The following CFAP418 variants were observed in gnomAD, a reference collection of about 807,000 sequenced individuals.
CFAP418 encodes cilia and flagella associated protein 418.
In CFAP418, 27 loss-of-function variants were observed where a neutral mutation model predicts 24.7. That is an observed-to-expected ratio of 1.09 (90% confidence interval 0.81 to 1.51). The LOEUF is 1.51. CFAP418 is among the 40% of genes most tolerant of loss of function. The pLI is 0.00. For synonymous variants in CFAP418, 74 were observed against 87.3 expected (o/e 0.85, Z 0.85); for missense variants, 257 against 255.2 (o/e 1.01, Z -0.05).
chr8:95,252,926 T>G (rs558828951), intron 4 of CFAP418, among the ~76,000 whole-genome samples: 18 of 152,178 alleles, frequency 1.2e-4, no homozygotes, highest in Non-Finnish European at 1.9e-4. Flanking sequence ...TGAAGCAAGG[T>G]GCACACTAAC....
chr8:95,263,724 T>C lies in CFAP418; in HGVS notation c.206A>G (p.Glu69Gly), dbSNP rs1396524227. The C allele has an allele frequency of 6.2e-7, 1 of 1,609,262 alleles. No homozygotes were observed. Among genetic ancestry groups the C allele is most frequent in the South Asian group, 1.1e-5 (1 of 90,928 alleles). ...KEDDLDSLIN[E>G]ILEEPNLDKK... ...GTCCAAGTTGGGCTCTTCAAGTATT[T>C]CATTAATAAGACTGTCAAGATCATC... is the stretch of plus-strand genomic sequence containing the variant. The change falls in exon 2 of 6, where the codon GAA (glutamate) becomes GGA (glycine). Residue 69 changes from glutamate to glycine, a missense_variant. By Grantham distance (98) the Glu-to-Gly change is moderately conservative. Transcript: ENST00000286688.
At chr8:95,263,913 G>T in intron 1 of CFAP418, 139 bp from the exon 2 acceptor site, 3 of 567,576 alleles carry the variant, frequency 5.3e-6, no homozygotes, top group Admixed American at 3.0e-5. Context: ...TTTTCACTGT[G>T]GATATAGTCT....
At position 95,263,692 on chromosome 8, in the gene CFAP418, GT is replaced by G. The variant is rs779256912; in HGVS notation, c.237del (p.Lys79AsnfsTer5). ...EILEEPNLDKKPSKLKSKSSG... is the reference protein window; with the variant it reads ...EILEEPNLDKXPSKLKSKSSG... Reference sequence around the variant, plus strand: ...ATTTATAACACTTGACTTACAGAGGGTTTTTTGTCCAAGTTGGGCTCTTCAA... The same window carrying G: ...ATTTATAACACTTGACTTACAGAGGGTTTTTGTCCAAGTTGGGCTCTTCAA... On this transcript the variant is annotated frameshift_variant, in exon 2 of 6. Coordinates refer to ENST00000286688, the MANE Select transcript of CFAP418 (RefSeq NM_177965.4). LOFTEE classifies it high-confidence loss of function. The G allele has an allele frequency of 2.5e-6, 4 of 1,589,084 alleles. No homozygotes were observed. Among genetic ancestry groups the G allele is most frequent in the East Asian group, 4.5e-5 (2 of 44,588 alleles).
intron 4 of CFAP418, among the ~76,000 whole-genome samples, chr8:95,259,112 C>G (rs2132160785): frequency 6.6e-6 from 1 of 152,210 alleles, no homozygotes; most frequent in South Asian, 2.1e-4. Context: ...AAAAAATTAA[C>G]AGAAAATAAG....
chr8:95,259,699 C>A, intron 4 of CFAP418, 141 bp downstream of exon 4: 1 of 693,140 alleles, frequency 1.4e-6, no homozygotes, highest in Non-Finnish European at 2.5e-6. Context: ...GAATAAAAAA[C>A]AAAGAATTCT....
At chr8:95,252,011 CAT>C (rs149361981) in intron 5 of CFAP418, among the ~76,000 whole-genome samples, 175 bp downstream of exon 5, 6,981 of 151,908 alleles carry the variant, frequency 0.046, 229 homozygotes, top group East Asian at 0.12. Flanking sequence ...ATGGAACCAC[CAT>C]GTATATATAT....
At chr8:95,260,182 C>T (rs1811862022) in intron 3 of CFAP418, among the ~76,000 whole-genome samples, 1 of 152,114 alleles carries the variant, frequency 6.6e-6, no homozygotes, top group Non-Finnish European at 1.5e-5. Flanking sequence ...AAAGTAAATA[C>T]TGAAGAATAT....
chr8:95,249,326 T>C (rs993158729), intron 5 of CFAP418, among the ~76,000 whole-genome samples: 4 of 152,246 alleles, frequency 2.6e-5, no homozygotes, highest in African/African-American at 9.6e-5. Context: ...TCAGCTGTTG[T>C]GGCAAGGTGG....
At chr8:95,253,766 A>G (rs990076744) in intron 4 of CFAP418, among the ~76,000 whole-genome samples, 11 of 143,126 alleles carry the variant, frequency 7.7e-5, no homozygotes, top group African/African-American at 2.6e-4. Flanking sequence ...CTTCGAATGT[A>G]CAAGTCAGGA....
At position 95,269,063 on chromosome 8, in the gene CFAP418, T is replaced by C. The variant is rs1343725925; in HGVS notation, c.127A>G (p.Asn43Asp). The change falls in exon 1 of 6, where the codon AAC becomes GAC. Residue 43 changes from asparagine (N) to aspartate (D), a missense_variant. By Grantham distance (23) the Asn-to-Asp change is conservative. Transcript: ENST00000286688. ...AGCGTCTCTTTCGCCTTGGCTTGGT[T>C]CCGGTCGCTACTGTGGGTGCCGCCG... ...CGGGTHSSDRNQAKAKETLRS... is the reference protein window; with the variant it reads ...CGGGTHSSDRDQAKAKETLRS... The C allele has an allele frequency of 6.2e-7, 1 of 1,614,168 alleles. No individual in the cohort carries two copies. Among genetic ancestry groups the C allele is most frequent in the East Asian group, 2.2e-5 (1 of 44,868 alleles).
intron 2 of CFAP418, 76 bp downstream of exon 2, chr8:95,263,611 T>C (rs1325404140): frequency 1.2e-6 from 1 of 852,252 alleles, no homozygotes; most frequent in East Asian, 2.5e-5. Context: ...TAGCTACTTG[T>C]GTCATCTTTA....
Position 95,269,170 on chromosome 8 carries a change from T to C in CFAP418, c.20A>G (p.Glu7Gly), listed in dbSNP as rs1391298251. Residue 7 changes from glutamate to glycine, a missense_variant, in exon 1 of 6, where the codon GAG (glutamate) becomes GGG (glycine). Coordinates refer to ENST00000286688, the MANE Select transcript of CFAP418 (RefSeq NM_177965.4). Reference protein sequence around the residue: MAEDLDELLDEVESKFC... With the variant: MAEDLDGLLDEVESKFC... ...CTTGGACTCGACTTCATCCAAGAGCTCGTCCAGGTCCTCCGCCATCTTGAA... is the reference window on the plus strand; with the variant it reads ...CTTGGACTCGACTTCATCCAAGAGCCCGTCCAGGTCCTCCGCCATCTTGAA... 6.2e-7 allele frequency: 1 copy of C among 1,614,162 alleles called. No individual in the cohort carries two copies.
At chr8:95,261,170 A>G (rs1275146795) in intron 2 of CFAP418, among the ~76,000 whole-genome samples, 6 of 152,206 alleles carry the variant, frequency 3.9e-5, no homozygotes, top group Non-Finnish European at 8.8e-5. Context: ...CACTAGGACC[A>G]CCGCCAAGGA....
intron 5 of CFAP418, among the ~76,000 whole-genome samples, chr8:95,251,746 C>G (rs538585005): frequency 2.0e-5 from 3 of 152,198 alleles, no homozygotes; most frequent in African/African-American, 7.2e-5. Context: ...CACAGTCATG[C>G]ATTGCTTATG....
intron 2 of CFAP418, among the ~76,000 whole-genome samples, chr8:95,262,993 A>G (rs1487144634): frequency 6.6e-6 from 1 of 152,230 alleles, no homozygotes; most frequent in Non-Finnish European, 1.5e-5. Context: ...AGAATTGTTT[A>G]TGGTTATGTA....
rs1407459396 is a variant in CFAP418 at position 95,245,379 on chromosome 8, T to C, written c.*2238A>G. 1 of 152,142 alleles carries C rather than the reference T, an allele frequency of 6.6e-6. No individual in the cohort carries two copies. 9.4% of individuals were successfully genotyped at this position (152,142 alleles called of 1,614,324 possible). ...GGGGATTATTATAATTATTATGTTA[T>C]GGAATGCCAAACATAGGCAATGTAT... On this transcript the variant is annotated 3_prime_UTR_variant, in exon 6 of 6. Transcript: ENST00000286688.
intron 4 of CFAP418, among the ~76,000 whole-genome samples, chr8:95,252,547 G>T (rs1811725049): frequency 6.6e-6 from 1 of 152,166 alleles, no homozygotes; most frequent in Non-Finnish European, 1.5e-5. Flanking sequence ...AGATATGAAA[G>T]AAAATAGATT....
chr8:95,249,088 T>G (rs1811670469), intron 5 of CFAP418, among the ~76,000 whole-genome samples: 3 of 152,182 alleles, frequency 2.0e-5, no homozygotes, highest in African/African-American at 7.2e-5. Context: ...CAAAACTAAG[T>G]TGTTGAGGAA....
intron 5 of CFAP418, among the ~76,000 whole-genome samples, chr8:95,250,317 TA>T (rs1380372332): frequency 2.0e-5 from 3 of 152,236 alleles, no homozygotes; most frequent in African/African-American, 7.2e-5. Flanking sequence ...AATAGTATAA[TA>T]AATCCTCTAG....
Sources: allele counts gnomAD v4.1 joint callset (sites outside exome capture counted in the v4.1 genomes callset), GRCh38; gene constraint gnomAD v4.1.1; transcripts MANE v1.5; gene names NCBI Gene and HGNC (gene_info 2026-07-23, HGNC 2026-07-21).